The following BLTP3B variants were observed in gnomAD, a reference collection of about 807,000 sequenced individuals.
BLTP3B encodes bridge-like lipid transfer protein family member 3B.
chr12:100,128,199 T>G, the BLTP3B span, among the ~76,000 whole-genome samples: 1 of 152,242 alleles, frequency 6.6e-6, no homozygotes, highest in African/African-American at 2.4e-5. Context: ...TGTACCTCAC[T>G]AATTACATTA....
chr12:100,106,112 A>G, the BLTP3B span, among the ~76,000 whole-genome samples: 6 of 152,208 alleles, frequency 3.9e-5, no homozygotes, highest in Non-Finnish European at 7.4e-5. Flanking sequence ...TGGTAGGAAT[A>G]TAAGTTAGTA....
chr12:100,038,737 G>A, the BLTP3B span, among the ~76,000 whole-genome samples: 1 of 152,114 alleles, frequency 6.6e-6, no homozygotes, highest in Non-Finnish European at 1.5e-5. Context: ...AATTAGGAAT[G>A]GCTATATTAG....
At chr12:100,079,348 C>T in the BLTP3B span, among the ~76,000 whole-genome samples, 10 of 152,056 alleles carry the variant, frequency 6.6e-5, no homozygotes, top group Admixed American at 4.6e-4. Flanking sequence ...CAGTAAGGTC[C>T]GGGCTGAGGT....
the BLTP3B span, among the ~76,000 whole-genome samples, chr12:100,120,308 G>A: frequency 6.6e-6 from 1 of 152,124 alleles, no homozygotes; most frequent in African/African-American, 2.4e-5. Context: ...AGGAGGTGGA[G>A]GTTTCAGTGA....
chr12:100,129,760 G>A, the BLTP3B span, among the ~76,000 whole-genome samples: 3 of 152,214 alleles, frequency 2.0e-5, no homozygotes, highest in East Asian at 5.8e-4. Flanking sequence ...GCAGGAATAA[G>A]ACAACAAAAC....
At chr12:100,095,559 C>A in the BLTP3B span, 1 of 1,277,984 alleles carries the variant, frequency 7.8e-7, no homozygotes, top group Non-Finnish European at 1.1e-6. Flanking sequence ...GATTCTTGTA[C>A]TCAAAACCTC....
chr12:100,092,290 A>T, the BLTP3B span, among the ~76,000 whole-genome samples: 2 of 152,130 alleles, frequency 1.3e-5, no homozygotes, highest in Non-Finnish European at 2.9e-5. Flanking sequence ...AGATTAGGAC[A>T]TTCTGTGTGA....
At chr12:100,130,026 T>C in the BLTP3B span, among the ~76,000 whole-genome samples, 1 of 152,226 alleles carries the variant, frequency 6.6e-6, no homozygotes, top group South Asian at 2.1e-4. Flanking sequence ...TGGCACGATC[T>C]CGGTTCACTG....
At chr12:100,079,615 C>T in the BLTP3B span, among the ~76,000 whole-genome samples, 1 of 152,146 alleles carries the variant, frequency 6.6e-6, no homozygotes, top group Admixed American at 6.5e-5. Flanking sequence ...CCTGACAATG[C>T]GATAGAAAAG....
the BLTP3B span, among the ~76,000 whole-genome samples, chr12:100,098,169 G>C: frequency 1.9e-4 from 29 of 152,082 alleles, no homozygotes; most frequent in Admixed American, 1.3e-4. Flanking sequence ...AGTGAGCCGT[G>C]ATTGCGCCAC....
chr12:100,088,844 T>C, the BLTP3B span: 1 of 1,251,718 alleles, frequency 8.0e-7, no homozygotes, highest in Non-Finnish European at 1.1e-6. Context: ...ACAACAGATT[T>C]AATAAACAAT....
At chr12:100,130,148 C>T in the BLTP3B span, among the ~76,000 whole-genome samples, 3 of 152,120 alleles carry the variant, frequency 2.0e-5, no homozygotes, top group Admixed American at 6.6e-5. Context: ...TTAGCAGAAA[C>T]GGGGTTTCAC....
the BLTP3B span, among the ~76,000 whole-genome samples, chr12:100,073,363 A>ATTTT: frequency 7.2e-6 from 1 of 139,818 alleles, no homozygotes; most frequent in African/African-American, 2.6e-5. Context: ...ACAGACACAG[A>ATTTT]TTTTTTTTTT....
At chr12:100,124,106 A>AT in the BLTP3B span, among the ~76,000 whole-genome samples, 400 of 144,494 alleles carry the variant, frequency 2.8e-3, 1 homozygote, top group Middle Eastern at 3.5e-3. Context: ...CTCTACGAGA[A>AT]TTTTTTTTTT....
chr12:100,128,735 ATGGG>A, the BLTP3B span: 3 of 1,287,428 alleles, frequency 2.3e-6, no homozygotes, highest in Non-Finnish European at 3.0e-6. Context: ...GCTGCAGGGA[ATGGG>A]TACACAGGGG....
At chr12:100,130,986 A>G in the BLTP3B span, among the ~76,000 whole-genome samples, 465 of 47,462 alleles carry the variant, frequency 9.8e-3, 6 homozygotes, top group African/African-American at 0.094. Context: ...AGGGAGGGAG[A>G]GAGAGAGAGA....
the BLTP3B span, among the ~76,000 whole-genome samples, chr12:100,114,063 T>G: frequency 6.6e-6 from 1 of 152,184 alleles, no homozygotes; most frequent in Non-Finnish European, 1.5e-5. Flanking sequence ...AGAAAGTAAA[T>G]TATTTCAGCA....
the BLTP3B span, among the ~76,000 whole-genome samples, chr12:100,080,257 C>T: frequency 1.3e-5 from 2 of 152,160 alleles, no homozygotes; most frequent in Non-Finnish European, 2.9e-5. Context: ...TGCCAGCAGA[C>T]ACTCAATACC....
At chr12:100,092,035 C>T in the BLTP3B span, among the ~76,000 whole-genome samples, 3 of 152,042 alleles carry the variant, frequency 2.0e-5, no homozygotes, top group African/African-American at 7.2e-5. Context: ...TCTTGAACTT[C>T]TGACCTCAAA....
Sources: allele counts gnomAD v4.1 joint callset (sites outside exome capture counted in the v4.1 genomes callset), GRCh38; gene constraint gnomAD v4.1.1; transcripts MANE v1.5; gene names NCBI Gene and HGNC (gene_info 2026-07-23, HGNC 2026-07-21).